The following DHX34 variants were observed in gnomAD, a reference collection of about 807,000 sequenced individuals.
DHX34 encodes DExH-box helicase 34.
Under a neutral mutation model 111.1 loss-of-function variants are expected in DHX34, and 96 were observed. That is an observed-to-expected ratio of 0.86 (90% CI 0.73 to 1.02). DHX34 has a LOEUF of 1.02. Among genes scored for constraint, DHX34 ranks in the 50% least tolerant of loss-of-function variants. The pLI, the probability that DHX34 is intolerant of heterozygous loss-of-function variation, is 0.00. For missense variants in DHX34, 1,560 were observed against 1,579.9 expected, an observed-to-expected ratio of 0.99 and a Z score of 0.21; for synonymous variants, 688 against 670.4, an observed-to-expected ratio of 1.03 and a Z score of -0.41.
chr19:47,370,031 C>T (rs1048589535), intron 7 of DHX34, among the ~76,000 whole-genome samples: 1 of 152,182 alleles, frequency 6.6e-6, no homozygotes, highest in Admixed American at 6.6e-5. Flanking sequence ...CCAGCAGACC[C>T]TCTGACCCTG....
intron 11 of DHX34, 56 bp downstream of exon 11, chr19:47,376,153 T>G: frequency 6.6e-7 from 1 of 1,518,856 alleles, no homozygotes; most frequent in Non-Finnish European, 8.8e-7. Flanking sequence ...GAACCCTGAG[T>G]GCCTGTCCTG....
intron 12 of DHX34, 149 bp from the exon 13 acceptor site, chr19:47,376,951 C>G (rs769238309): frequency 6.5e-7 from 1 of 1,540,808 alleles, no homozygotes; most frequent in South Asian, 1.2e-5. Flanking sequence ...TCAGATTTGG[C>G]TGACCTTCTT....
chr19:47,371,539 T>G (rs1221458747), intron 7 of DHX34, among the ~76,000 whole-genome samples: 1 of 152,338 alleles, frequency 6.6e-6, no homozygotes, highest in East Asian at 1.9e-4. Context: ...GACAGGGGCC[T>G]GCACAGTACA....
At chr19:47,381,532 C>A in intron 16 of DHX34, 1 of 673,852 alleles carries the variant, frequency 1.5e-6, no homozygotes, top group Non-Finnish European at 2.4e-6. Flanking sequence ...TTTCTGTCTG[C>A]CTGTCCCCTG....
rs150202661 is a variant in DHX34, at chr19:47,377,965, A to C, written c.2706+759A>C. Among the ~76,000 whole-genome samples the C allele has an allele frequency of 3.8e-3, 579 of 152,196 alleles. 4 individuals carry two copies. The highest frequency in any genetic ancestry group is 0.013 in the African/African-American group (555 of 41,544). On this transcript the variant is annotated intron_variant, in intron 13 of 16. Coordinates refer to ENST00000328771, the MANE Select transcript of DHX34 (RefSeq NM_014681.6). ...TTTGTGATCCTAGGCCTGGCCTCGGAGTCCTCACGCAGCCCTGTGGGTCTC... is the reference window on the plus strand; with the variant it reads ...TTTGTGATCCTAGGCCTGGCCTCGGCGTCCTCACGCAGCCCTGTGGGTCTC...
At chr19:47,377,565 A>G (rs1237656645) in intron 13 of DHX34, among the ~76,000 whole-genome samples, 1 of 123,084 alleles carries the variant, frequency 8.1e-6, no homozygotes, top group Non-Finnish European at 1.6e-5. Context: ...GGTGTGGTAC[A>G]AGATAAGGCC....
rs75147274 is a variant in DHX34 at position 47,371,532 on chromosome 19, A to G, written c.1769-1198A>G. ...GAGCTGGGGTGTCCTGGAATAGGAC[A>G]GGGGCCTGCACAGTACAGCCCCAAG... On this transcript the variant is annotated intron_variant, in intron 7 of 16. Transcript: ENST00000328771. Among the ~76,000 whole-genome samples, 147 of 152,288 alleles carry G rather than the reference A, an allele frequency of 9.7e-4. 1 individual carries two copies. The East Asian group carries it at 0.026, about 27-fold the overall frequency.
At chr19:47,375,875 A>T in intron 10 of DHX34, 49 bp from the exon 11 acceptor site, 1 of 1,546,752 alleles carries the variant, frequency 6.5e-7, no homozygotes, top group Non-Finnish European at 8.7e-7. Flanking sequence ...GGATCATGGT[A>T]GGAGCCCCTC....
At chr19:47,351,478 T>C (rs552991667) in intron 1 of DHX34, among the ~76,000 whole-genome samples, 4 of 152,226 alleles carry the variant, frequency 2.6e-5, no homozygotes, top group African/African-American at 9.6e-5. Flanking sequence ...GGAACTAAGC[T>C]TCAAGACCTA....
chr19:47,381,442 C>CT (rs1018193493), intron 16 of DHX34, 118 bp downstream of exon 16: 1 of 1,402,390 alleles, frequency 7.1e-7, no homozygotes, highest in African/African-American at 1.4e-5. Context: ...CCTCCACCCG[C>CT]TGGCCCTGGC....
At chr19:47,366,946 T>C in intron 6 of DHX34, 35 bp from the exon 7 acceptor site, 1 of 1,519,552 alleles carries the variant, frequency 6.6e-7, no homozygotes, top group African/African-American at 1.4e-5. Flanking sequence ...GGCTCTTGTG[T>C]TCCCCAATCT....
At position 47,352,879 on chromosome 19, in the gene DHX34, C is replaced by T. The variant is rs1468713221; in HGVS notation, c.-152C>T. The T allele has an allele frequency of 1.4e-6, 2 of 1,426,930 alleles. No homozygotes were observed. The highest frequency in any genetic ancestry group is 1.8e-6 in the Non-Finnish European group (2 of 1,090,224). 88.4% of individuals were successfully genotyped at this position (1,426,930 alleles called of 1,614,324 possible). ...GGCCACTTTATCATCTGTGGTGGTCCTGTGCCGTGACCAGGAGGAAAAATT... is the reference window on the plus strand; with the variant it reads ...GGCCACTTTATCATCTGTGGTGGTCTTGTGCCGTGACCAGGAGGAAAAATT... On this transcript the variant is annotated 5_prime_UTR_variant, in exon 2 of 17. Transcript: ENST00000328771.
intron 7 of DHX34, among the ~76,000 whole-genome samples, chr19:47,367,714 C>T (rs1969834483): frequency 6.6e-6 from 1 of 151,826 alleles, no homozygotes; most frequent in Non-Finnish European, 1.5e-5. Flanking sequence ...ATGGTGAAAC[C>T]CTGTCTCTAC....
chr19:47,360,779 C>T (rs951398673), intron 5 of DHX34, among the ~76,000 whole-genome samples: 1 of 152,026 alleles, frequency 6.6e-6, no homozygotes, highest in African/African-American at 2.4e-5. Context: ...TCAAGTGATT[C>T]TCCTGCTTCA....
chr19:47,381,159 C>T (rs1465839261), intron 15 of DHX34, 27 bp from the exon 16 acceptor site: 1 of 1,611,392 alleles, frequency 6.2e-7, no homozygotes, highest in South Asian at 1.1e-5. Flanking sequence ...TGGCGGGGGC[C>T]CAGCCCTGAC....
At position 47,381,312 on chromosome 19, in the gene DHX34, G is replaced by A; in HGVS notation, c.3286G>A (p.Asp1096Asn). The A allele has an allele frequency of 6.2e-7, 1 of 1,613,558 alleles. No individual in the cohort carries two copies. The highest frequency in any genetic ancestry group is 8.5e-7 in the Non-Finnish European group (1 of 1,179,776). The part of the protein sequence containing the change: ...HENTCPQAPQ[D>N]GPPGAEEAAL... ...GAACACCTGCCCCCAGGCCCCACAG[G>A]ATGGGCCCCCAGGTAAGCACAGGAC... Residue 1096 changes from aspartate (D) to asparagine (N), a missense_variant, in exon 16 of 17, where the codon GAT becomes AAT. Transcript: ENST00000328771.
intron 4 of DHX34, 72 bp downstream of exon 4, chr19:47,358,192 T>C: frequency 3.2e-6 from 5 of 1,539,530 alleles, no homozygotes; most frequent in East Asian, 2.3e-5. Flanking sequence ...ACAGGACTTG[T>C]GTAACTCCAC....
Position 47,363,743 on chromosome 19 carries a change from A to G in DHX34, c.1593+1050A>G, listed in dbSNP as rs146235495. Among the ~76,000 whole-genome samples the G allele has an allele frequency of 7.9e-3, 1,164 of 146,620 alleles. 23 individuals carry two copies. The highest frequency in any genetic ancestry group is 0.028 in the African/African-American group (1,098 of 39,538). On this transcript the variant is annotated intron_variant, in intron 6 of 16. Transcript: ENST00000328771. Reference sequence around the variant, plus strand: ...TGAGGCAGGAGAATTGCTTGAACCCAGGAGGTGGAGGTTGCGGTGAGCCGA... The same window carrying G: ...TGAGGCAGGAGAATTGCTTGAACCCGGGAGGTGGAGGTTGCGGTGAGCCGA...
At chr19:47,362,417 G>C in intron 5 of DHX34, 59 bp from the exon 6 acceptor site, 2 of 1,445,612 alleles carry the variant, frequency 1.4e-6, no homozygotes, top group Non-Finnish European at 1.8e-6. Context: ...AGCCAGGCGC[G>C]TGGCCAGCTG....
Sources: gnomAD v4.1 joint callset for allele counts (sites outside exome capture counted in the v4.1 genomes callset) on GRCh38, gnomAD v4.1.1 for gene constraint, MANE v1.5 for transcripts, NCBI Gene and HGNC (gene_info 2026-07-23, HGNC 2026-07-21) for gene names.